The following ARHGAP32 variants were observed in gnomAD, a reference collection of about 807,000 sequenced individuals.
ARHGAP32 encodes the protein Rho GTPase activating protein 32, also known as rho GTPase-activating protein 32.
A neutral mutation model predicts 186.5 loss-of-function variants in ARHGAP32; 51 were observed. The observed-to-expected ratio is 0.27, with a 90% CI of 0.22 to 0.35. The LOEUF is 0.35. Ranked by LOEUF, ARHGAP32 falls within the 10% of genes least tolerant of loss-of-function variation. The probability of loss-of-function intolerance (pLI) is 1.00; values close to 1 mark genes in which losing one functional copy is unlikely to be tolerated. For missense variants in ARHGAP32, 2,186 were observed against 2,623.5 expected (o/e 0.83, Z 3.64); for synonymous variants, 950 against 964.3 (o/e 0.99, Z 0.27).
At chr11:129,232,971 T>C (rs748534571) in intron 1 of ARHGAP32, among the ~76,000 whole-genome samples, 7 of 152,206 alleles carry the variant, frequency 4.6e-5, no homozygotes, top group Admixed American at 3.3e-4. Context: ...TCTAACTTGA[T>C]TGGGGTATGG....
intron 1 of ARHGAP32, among the ~76,000 whole-genome samples, chr11:129,263,159 A>G (rs1591383789): frequency 6.6e-6 from 1 of 152,318 alleles, no homozygotes; most frequent in Non-Finnish European, 1.5e-5. Flanking sequence ...TAGGAGGGAA[A>G]TGTCATAACA....
At chr11:129,260,028 T>C (rs1035731295) in intron 1 of ARHGAP32, among the ~76,000 whole-genome samples, 1 of 152,168 alleles carries the variant, frequency 6.6e-6, no homozygotes, top group African/African-American at 2.4e-5. Context: ...CAAAGGTCAC[T>C]GGCATCTTTG....
At chr11:129,158,203 A>G (rs1943453748) in intron 2 of ARHGAP32, among the ~76,000 whole-genome samples, 1 of 152,208 alleles carries the variant, frequency 6.6e-6, no homozygotes, top group Non-Finnish European at 1.5e-5. Flanking sequence ...TCATAATGAC[A>G]GGATCAATTT....
At chr11:129,050,175 G>A (rs1382333038) in intron 10 of ARHGAP32, among the ~76,000 whole-genome samples, 1 of 152,216 alleles carries the variant, frequency 6.6e-6, no homozygotes, top group Non-Finnish European at 1.5e-5. Flanking sequence ...CACTGTATGA[G>A]AATTCCAATT....
intron 6 of ARHGAP32, among the ~76,000 whole-genome samples, chr11:129,082,082 T>C (rs1053649791): frequency 6.6e-5 from 10 of 151,876 alleles, no homozygotes; most frequent in African/African-American, 2.4e-4. Context: ...AGAAAAACTA[T>C]AAAACACTGC....
At chr11:129,085,317 C>T (rs934800754) in intron 6 of ARHGAP32, among the ~76,000 whole-genome samples, 3 of 152,064 alleles carry the variant, frequency 2.0e-5, no homozygotes, top group African/African-American at 7.2e-5. Flanking sequence ...TGAGCCAGCA[C>T]ACAACAAGGG....
Position 128,978,933 on chromosome 11 carries a change from T to C in ARHGAP32, c.1977-18A>G. Reference sequence around the variant, plus strand: ...GCCTCTTTCTATGAAAGAGAAAAAATAATCAACATTAAGATAGCCATGGGT... The same window carrying C: ...GCCTCTTTCTATGAAAGAGAAAAAACAATCAACATTAAGATAGCCATGGGT... On this transcript the variant is annotated intron_variant, in intron 18 of 22. Transcript: ENST00000682385. The C allele has an allele frequency of 6.3e-7, 1 of 1,592,824 alleles. No individual in the cohort carries two copies. The highest frequency in any genetic ancestry group is 2.2e-5 in the East Asian group (1 of 44,624).
At chr11:129,128,197 G>T (rs184330323) in intron 2 of ARHGAP32, among the ~76,000 whole-genome samples, 43 of 152,122 alleles carry the variant, frequency 2.8e-4, no homozygotes, top group African/African-American at 8.9e-4. Context: ...ATCTTTCAAA[G>T]GATTTATCCT....
rs946646331 is a variant in ARHGAP32, at chr11:129,052,549, C to A, written c.963+9731G>T. Among the ~76,000 whole-genome samples the A allele has an allele frequency of 3.9e-5, 6 of 152,006 alleles. No homozygotes were observed. The East Asian group carries it at 1.2e-3, about 29-fold the overall frequency. On this transcript the variant is annotated intron_variant, in intron 10 of 22. Coordinates refer to ENST00000682385, the MANE Select transcript of ARHGAP32 (RefSeq NM_001378024.1). ...AGTATATCTCTCCATTTATTTGGAT[C>A]TTCTTTAATGTCTCTTAGCAATGTT...
chr11:128,999,874 G>A (rs1013327452), intron 11 of ARHGAP32, among the ~76,000 whole-genome samples: 1 of 152,176 alleles, frequency 6.6e-6, no homozygotes, highest in East Asian at 1.9e-4. Flanking sequence ...AGGATTATAA[G>A]AGGAACCTGA....
chr11:129,105,220 G>A (rs955837499), intron 5 of ARHGAP32, among the ~76,000 whole-genome samples: 5 of 152,196 alleles, frequency 3.3e-5, no homozygotes, highest in African/African-American at 9.6e-5. Flanking sequence ...AAGCTGAGTA[G>A]AGAGGTCTCT....
At chr11:129,193,826 A>T (rs1944354086), upstream of ARHGAP32, among the ~76,000 whole-genome samples, 2 of 140,074 alleles carry the variant, frequency 1.4e-5, no homozygotes, top group Non-Finnish European at 3.0e-5. Flanking sequence ...CAACATTATA[A>T]GCAAAGTCAA....
chr11:129,067,597 CAG>C lies in ARHGAP32; in HGVS notation c.532-731_532-730del, dbSNP rs1209467359. ...CCCCTGCACCCCCAACTACAAAATA[CAG>C]AGTTTATCAGCTCACACCGCAACAA... On this transcript the variant is annotated intron_variant, in intron 6 of 22. Coordinates refer to ENST00000682385, the MANE Select transcript of ARHGAP32 (RefSeq NM_001378024.1). 1.1e-4 allele frequency among the ~76,000 whole-genome samples: 17 copies of C among 152,122 alleles called. No individual in the cohort carries two copies. The East Asian group carries it at 1.5e-3, about 14-fold the overall frequency.
intron 6 of ARHGAP32, among the ~76,000 whole-genome samples, chr11:129,071,371 AT>A (rs1317377155): frequency 2.0e-5 from 3 of 152,120 alleles, no homozygotes; most frequent in Admixed American, 6.6e-5. Context: ...GAAAAAAAAA[AT>A]AACCCAATTA....
At chr11:128,982,148 T>C (rs1441812650) in intron 15 of ARHGAP32, among the ~76,000 whole-genome samples, 1 of 152,172 alleles carries the variant, frequency 6.6e-6, no homozygotes, top group Non-Finnish European at 1.5e-5. Flanking sequence ...ACAAATAATA[T>C]TTTGAAGTTA....
At chr11:129,072,932 C>T (rs894563578) in intron 6 of ARHGAP32, among the ~76,000 whole-genome samples, 3 of 152,162 alleles carry the variant, frequency 2.0e-5, no homozygotes, top group Non-Finnish European at 2.9e-5. Flanking sequence ...AAATACAGCT[C>T]CAGCTTCTTC....
intron 6 of ARHGAP32, 65 bp downstream of exon 6, chr11:129,093,556 A>G: frequency 8.8e-7 from 1 of 1,131,816 alleles, no homozygotes; most frequent in Non-Finnish European, 1.3e-6. Flanking sequence ...ATAGAAATAA[A>G]TTTAATCATC....
At chr11:129,092,335 T>C (rs1209295939) in intron 6 of ARHGAP32, among the ~76,000 whole-genome samples, 1 of 151,854 alleles carries the variant, frequency 6.6e-6, no homozygotes, top group Non-Finnish European at 1.5e-5. Context: ...GATGCTAAAA[T>C]GTCTTAGGTT....
chr11:129,104,283 A>G (rs1941987446), intron 5 of ARHGAP32, among the ~76,000 whole-genome samples: 1 of 152,134 alleles, frequency 6.6e-6, no homozygotes, highest in South Asian at 2.1e-4. Flanking sequence ...ATCGAAACAA[A>G]TTTAGCTATA....
Sources: gnomAD v4.1 joint callset for allele counts (sites outside exome capture counted in the v4.1 genomes callset) on GRCh38, gnomAD v4.1.1 for gene constraint, MANE v1.5 for transcripts, NCBI Gene and HGNC (gene_info 2026-07-23, HGNC 2026-07-21) for gene names.